The following NEK3 variants were observed in gnomAD, a reference collection of about 807,000 sequenced individuals.
NEK3 encodes NIMA related kinase 3.
A neutral mutation model predicts 66.0 loss-of-function variants in NEK3; 54 were observed. That is an observed-to-expected ratio of 0.82 (90% CI 0.66 to 1.03). The LOEUF is 1.03. Ranked by LOEUF, NEK3 falls within the 50% of genes least tolerant of loss-of-function variation. The probability of loss-of-function intolerance (pLI) is 0.00; values close to 1 mark genes in which losing one functional copy is unlikely to be tolerated. For synonymous variants in NEK3, 200 were observed against 206.2 expected (o/e 0.97, Z 0.26); for missense variants, 593 against 603.0 (o/e 0.98, Z 0.17).
rs369637353 is a variant in NEK3, at chr13:52,144,727, G to A, written c.768C>T (p.Ile256=). The A allele has an allele frequency of 1.0e-4, 161 of 1,613,738 alleles. No individual in the cohort carries two copies. The highest frequency in any genetic ancestry group is 1.3e-4 in the Non-Finnish European group (151 of 1,179,866). The part of the protein sequence containing the change: ...PSATTLLSRG[I]VARLVQKCLP... ...AGCACTTCTGGACAAGCCGAGCTACGATGCCTCGAGAGAGAAGCGTTGTAG... is the reference window on the plus strand; with the variant it reads ...AGCACTTCTGGACAAGCCGAGCTACAATGCCTCGAGAGAGAAGCGTTGTAG... The change falls in exon 9 of 16, where the codon ATC becomes ATT. Residue 256 remains isoleucine (I), a synonymous_variant. Transcript: ENST00000610828.
intron 11 of NEK3, among the ~76,000 whole-genome samples, chr13:52,140,554 G>A (rs1056334665): frequency 6.6e-6 from 1 of 151,950 alleles, no homozygotes; most frequent in Admixed American, 6.6e-5. Context: ...CTTGCAGTGA[G>A]CCAAGATGGT....
intron 11 of NEK3, among the ~76,000 whole-genome samples, chr13:52,139,925 G>A (rs1956233756): frequency 6.6e-6 from 1 of 151,642 alleles, no homozygotes; most frequent in African/African-American, 2.4e-5. Flanking sequence ...AAAGCAGCCA[G>A]GCCCAATGGC....
intron 7 of NEK3, among the ~76,000 whole-genome samples, chr13:52,150,943 GA>G (rs1452516476): frequency 6.6e-6 from 1 of 152,120 alleles, no homozygotes; most frequent in African/African-American, 2.4e-5. Context: ...ATAGCAATTG[GA>G]AAACTATTAC....
At position 52,150,639 on chromosome 13, in the gene NEK3, A is replaced by G. The variant is rs531963936; in HGVS notation, c.548+507T>C. Among the ~76,000 whole-genome samples the G allele has an allele frequency of 1.0e-4, 15 of 149,224 alleles. No individual in the cohort carries two copies. In the South Asian group the frequency reaches 2.8e-3, roughly 28 times the overall value. ...CATTTTAAATCATTAAGATCTTCAT[A>G]TTAACCTCCTGCAATCAACTTACCT... On this transcript the variant is annotated intron_variant, in intron 7 of 15. Transcript: ENST00000610828.
At chr13:52,156,298 C>A in intron 1 of NEK3, 50 bp from the exon 2 acceptor site, 1 of 695,258 alleles carries the variant, frequency 1.4e-6, no homozygotes, top group Non-Finnish European at 2.5e-6. Flanking sequence ...TTTCAAAAAG[C>A]AAAAATTAAT....
intron 4 of NEK3, among the ~76,000 whole-genome samples, chr13:52,153,315 T>A (rs997549180): frequency 5.3e-5 from 8 of 152,174 alleles, no homozygotes; most frequent in Non-Finnish European, 4.4e-5. Context: ...TCTAAATGAA[T>A]AATATTTATT....
intron 11 of NEK3, among the ~76,000 whole-genome samples, chr13:52,137,509 T>C (rs1016114372): frequency 2.0e-5 from 3 of 151,970 alleles, no homozygotes; most frequent in African/African-American, 7.3e-5. Flanking sequence ...AAAGAAAGAG[T>C]AGGCTTGGGT....
chr13:52,151,439 A>T lies in NEK3; in HGVS notation c.394-47T>A, dbSNP rs532247940. The stretch of plus-strand genomic sequence containing the variant: ...CAGATTATGTCTTCTATCATCAAAC[A>T]TGAGGCAGATAAGCTGTCTTCCAAA... On this transcript the variant is annotated intron_variant, in intron 5 of 15. Transcript: ENST00000610828. 24 of 1,494,420 alleles carry T rather than the reference A, an allele frequency of 1.6e-5. No individual in the cohort carries two copies. In the South Asian group the frequency reaches 2.8e-4, roughly 17 times the overall value. 92.6% of individuals were successfully genotyped at this position (1,494,420 alleles called of 1,614,324 possible).
At chr13:52,151,254 G>A (rs1345352572) in intron 6 of NEK3, 22 bp from the exon 7 acceptor site, 10 of 1,599,602 alleles carry the variant, frequency 6.3e-6, no homozygotes, top group African/African-American at 1.3e-5. Flanking sequence ...AAAAGGCAAC[G>A]AATGATTACA....
chr13:52,151,741 G>A (rs530787885), intron 5 of NEK3, among the ~76,000 whole-genome samples: 49 of 152,194 alleles, frequency 3.2e-4, no homozygotes, highest in Non-Finnish European at 6.2e-4. Context: ...CTAAAAGAGA[G>A]CTAGGACACA....
At chr13:52,154,272 A>G in intron 2 of NEK3, 99 bp from the exon 3 acceptor site, 2 of 724,400 alleles carry the variant, frequency 2.8e-6, no homozygotes, top group Non-Finnish European at 4.4e-6. Flanking sequence ...TGCTAGATGC[A>G]GTTTTATAAC....
At chr13:52,154,323 A>T in intron 2 of NEK3, 150 bp from the exon 3 acceptor site, 1 of 534,552 alleles carries the variant, frequency 1.9e-6, no homozygotes, top group Non-Finnish European at 3.3e-6. Context: ...GACAAGAGAA[A>T]ATGCATGTTG....
At chr13:52,156,433 C>T (rs1346510245) in intron 1 of NEK3, 185 bp from the exon 2 acceptor site, 3 of 326,334 alleles carry the variant, frequency 9.2e-6, no homozygotes, top group Non-Finnish European at 1.7e-5. Context: ...AACCAATTTG[C>T]TCTTTGCCCT....
intron 11 of NEK3, among the ~76,000 whole-genome samples, chr13:52,140,261 C>G (rs575375513): frequency 6.9e-6 from 1 of 145,566 alleles, no homozygotes; most frequent in Non-Finnish European, 1.5e-5. Context: ...ATTTTCATGA[C>G]TGAAAGCAAG....
rs372250568 is a variant in NEK3, at chr13:52,152,645, G to T, written c.357C>A (p.His119Gln). Reference protein sequence around the residue: ...TQMCLGVNHIHKKRVLHRDIK... With the variant: ...TQMCLGVNHIQKKRVLHRDIK... ...TATCTCTGTGTAGCACACGTTTCTTGTGAATGTGATTTACTCCAAGGCACA... is the reference window on the plus strand; with the variant it reads ...TATCTCTGTGTAGCACACGTTTCTTTTGAATGTGATTTACTCCAAGGCACA... The change falls in exon 5 of 16, where the codon CAC becomes CAA. Residue 119 changes from histidine (H) to glutamine (Q), a missense_variant. His to Gln is a conservative substitution (Grantham distance 24, BLOSUM62 0). Coordinates refer to ENST00000610828, the MANE Select transcript of NEK3 (RefSeq NM_002498.3). 3.1e-6 allele frequency: 5 copies of T among 1,610,498 alleles called. No individual in the cohort carries two copies. In the South Asian group the frequency reaches 5.5e-5, roughly 18 times the overall value.
At chr13:52,144,018 T>G in intron 9 of NEK3, 31 bp from the exon 10 acceptor site, 1 of 1,248,510 alleles carries the variant, frequency 8.0e-7, no homozygotes, top group Non-Finnish European at 1.1e-6. Flanking sequence ...TTTAGAGATG[T>G]GAAAACATAC....
chr13:52,154,064 G>A lies in NEK3; in HGVS notation c.211+16C>T. ...CAAATTCAGAAATGCACATATCTGG[G>A]GGAATTCGTATTTACCTTCAAATGA... On this transcript the variant is annotated intron_variant, in intron 3 of 15. Transcript: ENST00000610828. 2 of 1,604,216 alleles carry A rather than the reference G, an allele frequency of 1.2e-6. No homozygotes were observed. The highest frequency in any genetic ancestry group is 2.2e-5 in the East Asian group (1 of 44,690).
intron 1 of NEK3, chr13:52,159,210 G>T (rs73184378): frequency 6.6e-6 from 1 of 152,208 alleles, no homozygotes; most frequent in South Asian, 2.1e-4. Flanking sequence ...GTTCTTTCCG[G>T]GCAGCGAGCG....
chr13:52,141,242 C>T, intron 10 of NEK3, among the ~76,000 whole-genome samples, 173 bp from the exon 11 acceptor site: 1 of 152,174 alleles, frequency 6.6e-6, no homozygotes, highest in East Asian at 1.9e-4. Flanking sequence ...CCTAATAATA[C>T]ATCTCAGTTA....
Sources: gnomAD v4.1 joint callset for allele counts (sites outside exome capture counted in the v4.1 genomes callset) on GRCh38, gnomAD v4.1.1 for gene constraint, MANE v1.5 for transcripts, NCBI Gene and HGNC (gene_info 2026-07-23, HGNC 2026-07-21) for gene names.